KLHL29: variants seen among roughly 807,000 people sequenced by gnomAD.
The protein encoded by KLHL29 is kelch like family member 29.
A neutral mutation model predicts 80.4 loss-of-function variants in KLHL29; 21 were observed. The observed-to-expected ratio is 0.26, with a 90% confidence interval of 0.19 to 0.38. KLHL29 has a LOEUF of 0.38. Among genes scored for constraint, KLHL29 ranks in the 10% least tolerant of loss-of-function variants. The pLI is 1.00. For missense variants in KLHL29, 867 were observed against 1,223.9 expected (o/e 0.71, Z 4.35); for synonymous variants, 511 against 526.8 (o/e 0.97, Z 0.41).
chr2:23,657,081 G>A (rs1030544537), intron 5 of KLHL29, among the ~76,000 whole-genome samples: 1 of 152,152 alleles, frequency 6.6e-6, no homozygotes, highest in African/African-American at 2.4e-5. Context: ...TTGGGGAGTA[G>A]AGGCCAGAAG....
chr2:23,557,892 G>T (rs1056149368), intron 2 of KLHL29, among the ~76,000 whole-genome samples: 3 of 152,178 alleles, frequency 2.0e-5, no homozygotes, highest in Non-Finnish European at 2.9e-5. Flanking sequence ...CACATAGACT[G>T]CCAATTTCAG....
At chr2:23,535,681 C>T (rs1334885026) in intron 2 of KLHL29, among the ~76,000 whole-genome samples, 4 of 152,122 alleles carry the variant, frequency 2.6e-5, no homozygotes, top group South Asian at 4.1e-4. Context: ...TGGTATGAGT[C>T]CACTTATACG....
chr2:23,411,589 AAG>A (rs1198560695), intron 1 of KLHL29, among the ~76,000 whole-genome samples: 1 of 152,170 alleles, frequency 6.6e-6, no homozygotes, highest in East Asian at 1.9e-4. Context: ...TGTGTGCCGC[AAG>A]AGTTTTCTCA....
intron 3 of KLHL29, among the ~76,000 whole-genome samples, chr2:23,578,816 C>T (rs1224462532): frequency 6.6e-6 from 1 of 152,194 alleles, no homozygotes; most frequent in Admixed American, 6.5e-5. Context: ...AGAGGAGCCC[C>T]GTGGCTGCCT....
intron 2 of KLHL29, among the ~76,000 whole-genome samples, chr2:23,559,395 C>T (rs1667384397): frequency 6.6e-6 from 1 of 151,942 alleles, no homozygotes; most frequent in South Asian, 2.1e-4. Flanking sequence ...CTCCTGTGGG[C>T]AGTTGGGTAG....
In KLHL29 at chr2:23,642,647, G is replaced by C; in HGVS notation, c.737G>C (p.Arg246Pro). The C allele has an allele frequency of 1.3e-6, 2 of 1,548,802 alleles. No individual in the cohort carries two copies. Among genetic ancestry groups the C allele is most frequent in the Non-Finnish European group, 8.7e-7 (1 of 1,146,064 alleles). Residue 246 changes from arginine (R) to proline (P), a missense_variant, in exon 5 of 14, where the codon CGC becomes CCC. Transcript: ENST00000486442. ...STLPGVGQVA[R>P]PGPTAVGNGH... is the part of the protein sequence containing the mutation. ...CTGCCCGGTGTGGGGCAGGTGGCCC[G>C]CCCAGGACCCACCGCTGTGGGCAAC...
intron 1 of KLHL29, among the ~76,000 whole-genome samples, chr2:23,400,141 G>T (rs1476303446): frequency 6.6e-6 from 1 of 152,204 alleles, no homozygotes; most frequent in Non-Finnish European, 1.5e-5. Flanking sequence ...GGCCTTAACA[G>T]GTTGACGTCC....
intron 1 of KLHL29, among the ~76,000 whole-genome samples, chr2:23,400,284 T>C (rs1337502624): frequency 6.6e-6 from 1 of 152,196 alleles, no homozygotes; most frequent in East Asian, 1.9e-4. Context: ...TTGGGTGGCC[T>C]GTCCCCAGCT....
At chr2:23,430,536 G>T (rs1307944285) in intron 1 of KLHL29, among the ~76,000 whole-genome samples, 1 of 152,202 alleles carries the variant, frequency 6.6e-6, no homozygotes, top group African/African-American at 2.4e-5. Context: ...CCCTGAGAAG[G>T]ACTCTCTGGG....
At chr2:23,612,397 G>T (rs192577375) in intron 3 of KLHL29, among the ~76,000 whole-genome samples, 37 of 152,244 alleles carry the variant, frequency 2.4e-4, no homozygotes, top group Admixed American at 2.3e-3. Flanking sequence ...TTAGAAGAAA[G>T]AACAAAAATA....
intron 3 of KLHL29, among the ~76,000 whole-genome samples, chr2:23,624,139 G>T (rs146289374): frequency 6.6e-6 from 1 of 152,140 alleles, no homozygotes; most frequent in Non-Finnish European, 1.5e-5. Flanking sequence ...TATTCCACAT[G>T]AGCTGTGCAT....
At chr2:23,560,899 A>G (rs949735944) in intron 2 of KLHL29, among the ~76,000 whole-genome samples, 8 of 152,194 alleles carry the variant, frequency 5.3e-5, no homozygotes, top group Non-Finnish European at 1.2e-4. Context: ...GGCTTTATAG[A>G]TAGATATTTT....
intron 2 of KLHL29, among the ~76,000 whole-genome samples, chr2:23,492,930 A>C (rs907498322): frequency 2.8e-4 from 43 of 152,212 alleles, no homozygotes; most frequent in Non-Finnish European, 6.2e-4. Context: ...CCCAAAAGCC[A>C]GAACTCAAGT....
At chr2:23,529,335 G>C (rs1402875229) in intron 2 of KLHL29, among the ~76,000 whole-genome samples, 1 of 152,124 alleles carries the variant, frequency 6.6e-6, no homozygotes, top group Non-Finnish European at 1.5e-5. Flanking sequence ...GGCTGGTCTT[G>C]AACTCCTGGC....
chr2:23,656,107 C>T (rs1390262438), intron 5 of KLHL29, among the ~76,000 whole-genome samples: 1 of 152,240 alleles, frequency 6.6e-6, no homozygotes, highest in Non-Finnish European at 1.5e-5. Context: ...ATCTGTCCCT[C>T]TTCTGGACCC....
intron 1 of KLHL29, among the ~76,000 whole-genome samples, chr2:23,426,305 A>G (rs1433370647): frequency 6.6e-6 from 1 of 152,192 alleles, no homozygotes; most frequent in Non-Finnish European, 1.5e-5. Context: ...CCATCCTCAA[A>G]TGTATCAATC....
At chr2:23,386,944 C>A (rs1252829362) in intron 1 of KLHL29, among the ~76,000 whole-genome samples, 1 of 152,126 alleles carries the variant, frequency 6.6e-6, no homozygotes, top group Non-Finnish European at 1.5e-5. Context: ...GCTGAGAAGC[C>A]AGTTGTCGTC....
intron 2 of KLHL29, among the ~76,000 whole-genome samples, chr2:23,519,732 A>G (rs1344161857): frequency 6.6e-6 from 1 of 152,226 alleles, no homozygotes; most frequent in Non-Finnish European, 1.5e-5. Context: ...GACATGAGAC[A>G]TCAATCAATA....
intron 11 of KLHL29, among the ~76,000 whole-genome samples, chr2:23,701,857 A>G (rs1295223191): frequency 7.3e-6 from 1 of 137,716 alleles, no homozygotes; most frequent in Non-Finnish European, 1.5e-5. Flanking sequence ...CTGGAGTGCA[A>G]TGGCGCGATC....
Sources: gnomAD v4.1 joint callset for allele counts (sites outside exome capture counted in the v4.1 genomes callset) on GRCh38, gnomAD v4.1.1 for gene constraint, MANE v1.5 for transcripts, NCBI Gene and HGNC (gene_info 2026-07-23, HGNC 2026-07-21) for gene names.